ACSM1: variants seen among roughly 807,000 people sequenced by gnomAD.
ACSM1 encodes acyl-coenzyme A synthetase ACSM1, mitochondrial.
A neutral mutation model predicts 75.8 loss-of-function variants in ACSM1; 79 were observed. The observed-to-expected ratio is 1.04, with a 90% CI of 0.87 to 1.26. The LOEUF (loss-of-function observed/expected upper bound fraction) is 1.26, where lower values mean the gene tolerates loss of function less well. ACSM1 is among the 50% of genes most tolerant of loss of function. The pLI is 0.00. For synonymous variants in ACSM1, 279 were observed against 265.8 expected, an observed-to-expected ratio of 1.05 and a Z score of -0.48; for missense variants, 676 against 720.1, an observed-to-expected ratio of 0.94 and a Z score of 0.70.
At chr16:20,653,818 G>T (rs2018788691) in intron 7 of ACSM1, among the ~76,000 whole-genome samples, 1 of 152,128 alleles carries the variant, frequency 6.6e-6, no homozygotes, top group Admixed American at 6.6e-5. Context: ...TCGTGAAAAT[G>T]GCCATACTGC....
chr16:20,674,238 C>A, intron 4 of ACSM1: 2 of 303,020 alleles, frequency 6.6e-6, no homozygotes, highest in South Asian at 2.6e-5. Flanking sequence ...CTGTCTGTGG[C>A]TAGTGAGCCT....
chr16:20,677,123 G>A (rs1333983182), intron 4 of ACSM1, among the ~76,000 whole-genome samples: 1 of 151,746 alleles, frequency 6.6e-6, no homozygotes, highest in African/African-American at 2.4e-5. Context: ...AGGTTCTGCT[G>A]CATTTAGATC....
intron 7 of ACSM1, among the ~76,000 whole-genome samples, chr16:20,660,639 T>C (rs2019247289): frequency 1.3e-5 from 2 of 152,210 alleles, no homozygotes; most frequent in African/African-American, 4.8e-5. Flanking sequence ...ACAGCCAGAC[T>C]GAAGCTTCAT....
intron 12 of ACSM1, 63 bp downstream of exon 12, chr16:20,625,360 T>C (rs1462663424): frequency 1.3e-6 from 2 of 1,524,376 alleles, no homozygotes; most frequent in Non-Finnish European, 1.8e-6. Flanking sequence ...GCCTGGATGT[T>C]TCCCCTGCAC....
intron 4 of ACSM1, among the ~76,000 whole-genome samples, chr16:20,677,115 G>T (rs2020333883): frequency 6.6e-6 from 1 of 151,814 alleles, no homozygotes; most frequent in Non-Finnish European, 1.5e-5. Flanking sequence ...GGGCAGCAAG[G>T]TTCTGCTGCA....
chr16:20,675,487 C>T (rs535211200), intron 4 of ACSM1, among the ~76,000 whole-genome samples: 1 of 152,170 alleles, frequency 6.6e-6, no homozygotes, highest in East Asian at 1.9e-4. Context: ...TGTAATAGGA[C>T]CCAGTCTGGT....
intron 7 of ACSM1, among the ~76,000 whole-genome samples, chr16:20,641,749 G>C (rs1335551508): frequency 6.6e-6 from 1 of 152,168 alleles, no homozygotes; most frequent in Non-Finnish European, 1.5e-5. Flanking sequence ...ACAACCTGGT[G>C]TTGGGCCTGA....
At chr16:20,633,189 G>A (rs1404429841) in intron 10 of ACSM1, among the ~76,000 whole-genome samples, 3 of 152,280 alleles carry the variant, frequency 2.0e-5, no homozygotes, top group South Asian at 4.2e-4. Flanking sequence ...AGAAAAATAA[G>A]AGGCATCTGA....
In ACSM1 at chr16:20,669,908, C is replaced by T; in HGVS notation, c.831G>A (p.Trp277Ter). ...SDSGWIVATI[W>*]TLVEPWTAGC... ...CCGCTGTCCATGGTTCTACCAGGGTCCAAATGGTAGCCACAATCCATCCTG... is the reference window on the plus strand; with the variant it reads ...CCGCTGTCCATGGTTCTACCAGGGTTCAAATGGTAGCCACAATCCATCCTG... Residue 277 changes from tryptophan (W) to a stop codon, truncating the protein, a stop_gained, in exon 6 of 14, where the codon TGG (tryptophan) becomes TGA (stop). Coordinates refer to ENST00000520010, the MANE Select transcript of ACSM1 (RefSeq NM_001318890.3). LOFTEE classifies it high-confidence loss of function. 1 of 1,613,880 alleles carries T rather than the reference C, an allele frequency of 6.2e-7. No individual in the cohort carries two copies. Among genetic ancestry groups the T allele is most frequent in the Non-Finnish European group, 8.5e-7 (1 of 1,179,882 alleles).
intron 3 of ACSM1, among the ~76,000 whole-genome samples, chr16:20,683,859 C>T (rs1434559207): frequency 2.6e-5 from 4 of 152,102 alleles, no homozygotes; most frequent in Non-Finnish European, 4.4e-5. Flanking sequence ...TAAGCCACCA[C>T]CCAGGCCAAG....
chr16:20,679,949 A>G (rs77233013), intron 4 of ACSM1: 1 of 152,168 alleles, frequency 6.6e-6, no homozygotes, highest in Non-Finnish European at 1.5e-5. Flanking sequence ...GCTATGCTGC[A>G]TATGTTCACA....
intron 7 of ACSM1, among the ~76,000 whole-genome samples, chr16:20,657,581 T>C (rs1242238855): frequency 6.6e-6 from 1 of 152,012 alleles, no homozygotes; most frequent in Non-Finnish European, 1.5e-5. Context: ...AGTGCTGGGA[T>C]TACAGGCATA....
intron 10 of ACSM1, among the ~76,000 whole-genome samples, chr16:20,633,012 T>C (rs1308553973): frequency 6.6e-6 from 1 of 152,164 alleles, no homozygotes; most frequent in Non-Finnish European, 1.5e-5. Context: ...ACTAGGAAAC[T>C]TCCTCAACAT....
intron 3 of ACSM1, among the ~76,000 whole-genome samples, chr16:20,684,584 A>T (rs1469609131): frequency 2.0e-5 from 3 of 152,242 alleles, no homozygotes; most frequent in African/African-American, 7.2e-5. Context: ...TATATTCTAC[A>T]ATACAACTTG....
At chr16:20,690,912 T>C in intron 2 of ACSM1, 85 bp downstream of exon 2, 1 of 1,365,438 alleles carries the variant, frequency 7.3e-7, no homozygotes, top group South Asian at 1.4e-5. Context: ...TAACTTTGGT[T>C]CCATACCTTT....
chr16:20,680,657 C>A (rs1342265479), intron 4 of ACSM1: 1 of 152,234 alleles, frequency 6.6e-6, no homozygotes, highest in Non-Finnish European at 1.5e-5. Context: ...GGAGAAATAA[C>A]CTGCCTAGGG....
At chr16:20,634,980 A>G (rs972968518) in intron 10 of ACSM1, among the ~76,000 whole-genome samples, 1 of 152,184 alleles carries the variant, frequency 6.6e-6, no homozygotes, top group Non-Finnish European at 1.5e-5. Context: ...ATTCTTTTAC[A>G]TAAATAAGGA....
intron 6 of ACSM1, among the ~76,000 whole-genome samples, chr16:20,665,099 A>G (rs376692248): frequency 3.3e-4 from 50 of 152,268 alleles, no homozygotes; most frequent in African/African-American, 1.1e-3. Flanking sequence ...AGGAAAAAAA[A>G]GAACAACCAA....
chr16:20,649,890 T>G (rs1684304648), intron 7 of ACSM1, among the ~76,000 whole-genome samples: 1 of 152,156 alleles, frequency 6.6e-6, no homozygotes, highest in South Asian at 2.1e-4. Flanking sequence ...GTCGCTCATA[T>G]TTAGCTCAGA....
Sources: allele counts gnomAD v4.1 joint callset (sites outside exome capture counted in the v4.1 genomes callset), GRCh38; gene constraint gnomAD v4.1.1; transcripts MANE v1.5; gene names NCBI Gene and HGNC (gene_info 2026-07-23, HGNC 2026-07-21).